The following TRMT2A variants were observed in gnomAD, a reference collection of about 807,000 sequenced individuals.
TRMT2A encodes the protein tRNA methyltransferase 2A, also known as tRNA (uracil-5-)-methyltransferase homolog A.
A neutral mutation model predicts 59.3 loss-of-function variants in TRMT2A; 60 were observed. That is an observed-to-expected ratio of 1.01 (90% confidence interval 0.82 to 1.26). The LOEUF is 1.26. Ranked by LOEUF, TRMT2A falls within the 50% of genes most tolerant of loss-of-function variation. The pLI is 0.00. For missense variants in TRMT2A, 863 were observed against 845.2 expected (o/e 1.02, Z -0.26); for synonymous variants, 403 against 353.7 (o/e 1.14, Z -1.56).
chr22:20,115,621 G>A, intron 3 of TRMT2A, 51 bp downstream of exon 3: 1 of 1,605,344 alleles, frequency 6.2e-7, no homozygotes. Context: ...CAAAAGCAAA[G>A]TTTTTCAAAA....
At chr22:20,114,552 C>T (rs1487311609) in intron 7 of TRMT2A, 22 bp downstream of exon 7, 1 of 1,591,230 alleles carries the variant, frequency 6.3e-7, no homozygotes, top group Middle Eastern at 1.7e-4. Flanking sequence ...TGTCCCCATG[C>T]CCACCAGGGA....
chr22:20,116,939 G>T lies in TRMT2A; in HGVS notation c.-33C>A, dbSNP rs1387318461. On this transcript the variant is annotated 5_prime_UTR_variant, in exon 1 of 12. Transcript: ENST00000252136. ...GCGGTTCTCCGCCTAGACCAGGGAC[G>T]CCATGGGGGCCGCCTGGCCACCTCG... is the stretch of plus-strand genomic sequence containing the variant. 3 of 1,578,176 alleles carry T rather than the reference G, an allele frequency of 1.9e-6. No homozygotes were observed. The highest frequency in any genetic ancestry group is 2.7e-5 in the African/African-American group (2 of 74,004).
At chr22:20,115,627 C>A in intron 3 of TRMT2A, 45 bp downstream of exon 3, 1 of 1,607,428 alleles carries the variant, frequency 6.2e-7, no homozygotes, top group South Asian at 1.1e-5. Context: ...CAAAGTTTTT[C>A]AAAACCCAGG....
Position 20,115,323 on chromosome 22 carries a change from G to T in TRMT2A, c.833C>A (p.Thr278Asn), listed in dbSNP as rs1472879496. 1 of 1,612,844 alleles carries T rather than the reference G, an allele frequency of 6.2e-7. No individual in the cohort carries two copies. Among genetic ancestry groups the T allele is most frequent in the Admixed American group, 1.7e-5 (1 of 60,016 alleles). The change falls in exon 4 of 12, where the codon ACC (threonine) becomes AAC (asparagine). Residue 278 changes from threonine to asparagine, a missense_variant. Transcript: ENST00000252136. ...GTCAVAAPFD[T>N]VHIPEATKQV... is the part of the protein sequence containing the mutation. ...CTTGGTGGCTTCGGGGATGTGCACGGTGTCAAACGGGGCTGCCACAGCACA... is the reference window on the plus strand; with the variant it reads ...CTTGGTGGCTTCGGGGATGTGCACGTTGTCAAACGGGGCTGCCACAGCACA...
intron 9 of TRMT2A, 32 bp downstream of exon 9, chr22:20,113,400 T>TCCCCCCCC: frequency 1.9e-6 from 2 of 1,049,428 alleles, no homozygotes; most frequent in Non-Finnish European, 2.9e-6. Context: ...GCTGCCCCCA[T>TCCCCCCCC]CCCCACCCCC....
chr22:20,115,258 G>A lies in TRMT2A; in HGVS notation c.890+8C>T. 1.4e-5 allele frequency: 22 copies of A among 1,609,482 alleles called. No individual in the cohort carries two copies. The highest frequency in any genetic ancestry group is 1.8e-5 in the Non-Finnish European group (21 of 1,177,390). On this transcript the variant is annotated splice_region_variant and intron_variant, in intron 4 of 11. Transcript: ENST00000252136. Reference sequence around the variant, plus strand: ...GGACTTCCCGGGAGCCCCGTCACAGGTCCTCACCGGATGAACTCCTGGAAG... The same window carrying A: ...GGACTTCCCGGGAGCCCCGTCACAGATCCTCACCGGATGAACTCCTGGAAG...
chr22:20,112,760 T>C lies in TRMT2A; in HGVS notation c.1681A>G (p.Ile561Val), dbSNP rs756257721. Reference sequence around the variant, plus strand: ...ACAGCCTTGACCGGCCGGAAGGGAATGCCCTTCACCCGGTTAGATGGGGCT... The same window carrying C: ...ACAGCCTTGACCGGCCGGAAGGGAACGCCCTTCACCCGGTTAGATGGGGCT... ...CRAPSNRVKG[I>V]PFRPVKAVAV... Residue 561 changes from isoleucine to valine, a missense_variant, in exon 12 of 12, where the codon ATT becomes GTT. By Grantham distance (29) the Ile-to-Val change is conservative (BLOSUM62 3). Transcript: ENST00000252136. 6.2e-7 allele frequency: 1 copy of C among 1,613,580 alleles called. No individual in the cohort carries two copies. The highest frequency in any genetic ancestry group is 1.1e-5 in the South Asian group (1 of 91,074).
rs747410281 is a variant in TRMT2A at position 20,116,408 on chromosome 22, G to A, written c.229C>T (p.Leu77=). The A allele has an allele frequency of 6.2e-7, 1 of 1,611,826 alleles. No homozygotes were observed. ...CTGGCGTGGCGAGGCACGTTCTGCA[G>A]CTCCAGTTTAAAGATCTCAGAGGTA... is the stretch of plus-strand genomic sequence containing the variant. ...LFTSEIFKLE[L]QNVPRHASFS... is the part of the protein sequence containing the mutation. The change falls in exon 2 of 12, where the codon CTG becomes TTG. Residue 77 remains leucine (L), a synonymous_variant. Coordinates refer to ENST00000252136, the MANE Select transcript of TRMT2A (RefSeq NM_022727.6).
Position 20,116,481 on chromosome 22 carries a change from C to A in TRMT2A, c.156G>T (p.Gly52=), listed in dbSNP as rs2050024236. 1.2e-6 allele frequency: 2 copies of A among 1,612,848 alleles called. No individual in the cohort carries two copies. The highest frequency in any genetic ancestry group is 4.5e-5 in the East Asian group (2 of 44,870). ...VEKEGAGAAT[G]PGPQPGLYSY... ...TGTAGAGCCCGGGCTGAGGCCCCGG[C>A]CCTGTAGCCGCCCCAGCGCCCTCTT... The change falls in exon 2 of 12, where the codon GGG becomes GGT. Residue 52 remains glycine (G), a synonymous_variant. Coordinates refer to ENST00000252136, the MANE Select transcript of TRMT2A (RefSeq NM_022727.6).
chr22:20,113,563 T>C (rs1602510210), intron 8 of TRMT2A, 56 bp from the exon 9 acceptor site: 3 of 1,610,230 alleles, frequency 1.9e-6, no homozygotes, highest in East Asian at 2.2e-5. Context: ...CATGGGGCCC[T>C]GTGGGCAGCA....
Position 20,114,873 on chromosome 22 carries a change from G to C in TRMT2A, c.1009C>G (p.Leu337Val). 1 of 1,590,074 alleles carries C rather than the reference G, an allele frequency of 6.3e-7. No homozygotes were observed. The highest frequency in any genetic ancestry group is 8.5e-7 in the Non-Finnish European group (1 of 1,169,662). ...AGCTCTGCCAGCTCCTCAGGGCTCA[G>C]CTTCTGGAGTAAGTGGTGAAAAGTT... ...MAIAYFHPQK[L>V]SPEELAELKT... Residue 337 changes from leucine to valine, a missense_variant, in exon 6 of 12, where the codon CTG (leucine) becomes GTG (valine). Transcript: ENST00000252136.
chr22:20,116,873 C>T lies in TRMT2A; in HGVS notation c.24+10G>A. 2.5e-6 allele frequency: 4 copies of T among 1,604,030 alleles called. No homozygotes were observed. The highest frequency in any genetic ancestry group is 1.7e-4 in the Middle Eastern group (1 of 6,046). On this transcript the variant is annotated intron_variant, in intron 1 of 11. Transcript: ENST00000252136. Reference sequence around the variant, plus strand: ...TCCCCGTCTCTACCCAGCGTCTCCCCGCACTCTACCTCGTTGTCGAGGTTC... The same window carrying T: ...TCCCCGTCTCTACCCAGCGTCTCCCTGCACTCTACCTCGTTGTCGAGGTTC...
chr22:20,113,939 CGT>C, intron 7 of TRMT2A, 131 bp from the exon 8 acceptor site: 3 of 1,285,880 alleles, frequency 2.3e-6, no homozygotes, highest in Non-Finnish European at 3.1e-6. Context: ...TGGTGCCCAA[CGT>C]CTTCCCTGAC....
chr22:20,113,400 T>TCCCCCCCCCCC, intron 9 of TRMT2A, 32 bp downstream of exon 9: 42 of 1,049,354 alleles, frequency 4.0e-5, no homozygotes, highest in Non-Finnish European at 5.7e-5. Context: ...GCTGCCCCCA[T>TCCCCCCCCCCC]CCCCACCCCC....
Position 20,115,001 on chromosome 22 carries a change from G to A in TRMT2A, c.969C>T (p.Arg323=). The A allele has an allele frequency of 1.3e-6, 2 of 1,598,244 alleles. No homozygotes were observed. The highest frequency in any genetic ancestry group is 1.7e-6 in the Non-Finnish European group (2 of 1,174,624). The change falls in exon 5 of 12, where the codon CGC becomes CGT. Residue 323 remains arginine, a synonymous_variant. Coordinates refer to ENST00000252136, the MANE Select transcript of TRMT2A (RefSeq NM_022727.6). ...WKQLTVRTSR[R]HQAMAIAYFH... ...AGTAGGCAATGGCCATGGCCTGGTG[G>A]CGGCGGCTGGTGCGCACAGTCAGCT...
In TRMT2A at chr22:20,116,972, C is replaced by T. The variant is rs542262652; in HGVS notation, c.-66G>A. 5.0e-4 allele frequency: 761 copies of T among 1,512,086 alleles called. 5 individuals carry two copies. In the African/African-American group the frequency reaches 9.6e-3, roughly 19 times the overall value. The allele number at this position is 1,512,086 out of a possible 1,614,324, so 93.7% of individuals were successfully genotyped here. ...GGCCGCCTGGCCACCTCGTCCTGGG[C>T]CTGTCACAAGGGAAGTGGCCTGTCA... On this transcript the variant is annotated 5_prime_UTR_variant, in exon 1 of 12. Transcript: ENST00000252136.
At position 20,116,928 on chromosome 22, in the gene TRMT2A, A is replaced by G. The variant is rs1163162972; in HGVS notation, c.-22T>C. 3.1e-6 allele frequency: 5 copies of G among 1,587,486 alleles called. No individual in the cohort carries two copies. Among genetic ancestry groups the G allele is most frequent in the Admixed American group, 1.7e-5 (1 of 57,502 alleles). On this transcript the variant is annotated 5_prime_UTR_variant, in exon 1 of 12. An upstream open reading frame in the 5' UTR loses its in-frame stop. Coordinates refer to ENST00000252136, the MANE Select transcript of TRMT2A (RefSeq NM_022727.6). ...TCATCGCCCAGGCGGTTCTCCGCCT[A>G]GACCAGGGACGCCATGGGGGCCGCC... is the stretch of plus-strand genomic sequence containing the variant.
intron 7 of TRMT2A, among the ~76,000 whole-genome samples, chr22:20,114,031 T>C (rs2049928865): frequency 6.6e-6 from 1 of 152,172 alleles, no homozygotes; most frequent in Non-Finnish European, 1.5e-5. Context: ...CACAGCCTCC[T>C]CCTTGCCCCA....
intron 9 of TRMT2A, 33 bp downstream of exon 9, chr22:20,113,399 A>AACCCC: frequency 4.2e-6 from 3 of 713,626 alleles, no homozygotes; most frequent in Non-Finnish European, 7.1e-6. Flanking sequence ...GGCTGCCCCC[A>AACCCC]TCCCCACCCC....
Sources: allele counts gnomAD v4.1 joint callset (sites outside exome capture counted in the v4.1 genomes callset), GRCh38; gene constraint gnomAD v4.1.1; transcripts MANE v1.5; gene names NCBI Gene and HGNC (gene_info 2026-07-23, HGNC 2026-07-21).